SYT9: variants seen among roughly 807,000 people sequenced by gnomAD.
SYT9 encodes synaptotagmin-9.
In SYT9, 22 loss-of-function variants were observed where a neutral mutation model predicts 48.4. The ratio of observed to expected loss-of-function variants is 0.45; its 90% CI spans 0.32 to 0.65. SYT9 has a LOEUF of 0.65. SYT9 is among the 30% of genes least tolerant of loss of function. The pLI, the probability that SYT9 is intolerant of heterozygous loss-of-function variation, is 0.03. For synonymous variants in SYT9, 265 were observed against 245.0 expected, an observed-to-expected ratio of 1.08 and a Z score of -0.76; for missense variants, 577 against 622.0, an observed-to-expected ratio of 0.93 and a Z score of 0.77.
intron 6 of SYT9, among the ~76,000 whole-genome samples, chr11:7,420,869 T>G (rs956166398): frequency 6.6e-6 from 1 of 152,196 alleles, no homozygotes; most frequent in African/African-American, 2.4e-5. Context: ...TTTGATTGTA[T>G]TTTTAAAAGA....
chr11:7,415,266 C>G (rs1444225490), intron 3 of SYT9, among the ~76,000 whole-genome samples: 2 of 152,160 alleles, frequency 1.3e-5, no homozygotes, highest in Admixed American at 6.5e-5. Flanking sequence ...GTCCAGGGCT[C>G]TGAATGTGTG....
intron 3 of SYT9, among the ~76,000 whole-genome samples, chr11:7,363,497 C>T (rs527322430): frequency 3.0e-4 from 45 of 152,200 alleles, no homozygotes; most frequent in African/African-American, 8.9e-4. Flanking sequence ...CAAGGAGTGA[C>T]GCTGGTATAG....
intron 3 of SYT9, among the ~76,000 whole-genome samples, chr11:7,405,401 A>T (rs950416167): frequency 6.6e-6 from 1 of 152,172 alleles, no homozygotes; most frequent in African/African-American, 2.4e-5. Flanking sequence ...AGAACCACTG[A>T]TTGAAGGGAA....
chr11:7,405,138 T>C (rs1015926371), intron 3 of SYT9, among the ~76,000 whole-genome samples: 4 of 151,910 alleles, frequency 2.6e-5, no homozygotes, highest in Non-Finnish European at 5.9e-5. Flanking sequence ...CCTTTATATT[T>C]GACTTTTATT....
chr11:7,290,353 A>G (rs1383458586), intron 1 of SYT9, among the ~76,000 whole-genome samples: 2 of 152,216 alleles, frequency 1.3e-5, no homozygotes, highest in Admixed American at 6.5e-5. Flanking sequence ...GGGCCACTCC[A>G]GCCCCAGTTA....
intron 3 of SYT9, among the ~76,000 whole-genome samples, chr11:7,342,862 G>A (rs908032467): frequency 6.6e-6 from 1 of 152,236 alleles, no homozygotes; most frequent in African/African-American, 2.4e-5. Context: ...TACAACCTCT[G>A]AAATCTAGAC....
chr11:7,396,781 G>A (rs1449570599), intron 3 of SYT9, among the ~76,000 whole-genome samples: 1 of 152,126 alleles, frequency 6.6e-6, no homozygotes, highest in African/African-American at 2.4e-5. Flanking sequence ...ACTAGTGGTT[G>A]TGTAGCAATA....
At chr11:7,270,128 AATT>A (rs1848267051) in intron 1 of SYT9, among the ~76,000 whole-genome samples, 2 of 152,204 alleles carry the variant, frequency 1.3e-5, no homozygotes, top group African/African-American at 4.8e-5. Context: ...AGAGTGTATC[AATT>A]CTTTGGTAAC....
intron 3 of SYT9, among the ~76,000 whole-genome samples, chr11:7,371,677 C>G (rs1476695657): frequency 6.6e-6 from 1 of 152,104 alleles, no homozygotes; most frequent in Non-Finnish European, 1.5e-5. Flanking sequence ...TTCTCATGCC[C>G]TGTTCCAGTC....
In SYT9 at chr11:7,294,034, G is replaced by T. The variant is rs573257232; in HGVS notation, c.146-9005G>T. 5.6e-4 allele frequency among the ~76,000 whole-genome samples: 85 copies of T among 152,306 alleles called. 1 individual carries two copies. The highest frequency in any genetic ancestry group is 2.0e-3 in the African/African-American group (83 of 41,560). ...AAACAGTAGAAAATTATTTCTCACA[G>T]TTCTGGAGACTGGAAAATTCAAAAC... On this transcript the variant is annotated intron_variant, in intron 1 of 6. Coordinates refer to ENST00000318881, the MANE Select transcript of SYT9 (RefSeq NM_175733.4).
At chr11:7,323,712 C>G in intron 3 of SYT9, among the ~76,000 whole-genome samples, 1 of 151,838 alleles carries the variant, frequency 6.6e-6, no homozygotes, top group East Asian at 1.9e-4. Context: ...ATATTTTATA[C>G]TTTTTATGAA....
In SYT9 at chr11:7,252,334, G is replaced by A; in HGVS notation, c.145+3G>A. On this transcript the variant is annotated splice_donor_region_variant and intron_variant, in intron 1 of 6. Transcript: ENST00000318881. The surrounding 1 kb of genome is among the most constrained non-coding windows in gnomAD (Gnocchi z 6.3). The stretch of plus-strand genomic sequence containing the variant: ...CAGACCCCGGCTCCGCGACCCAGGT[G>A]AGTGCCGCCACCGCCGCCTGGAGGG... The A allele has an allele frequency of 6.8e-7, 1 of 1,470,584 alleles. No homozygotes were observed. Among genetic ancestry groups the A allele is most frequent in the Non-Finnish European group, 9.0e-7 (1 of 1,110,482 alleles). 91.1% of individuals were successfully genotyped at this position (1,470,584 alleles called of 1,614,324 possible). A position where few individuals can be genotyped will look rare whatever the true frequency, so the allele number is the denominator to read the frequency against.
At chr11:7,248,998 G>C (rs990070452), upstream of SYT9, among the ~76,000 whole-genome samples, 1 of 152,058 alleles carries the variant, frequency 6.6e-6, no homozygotes, top group African/African-American at 2.4e-5. Flanking sequence ...CAGACCAATG[G>C]AACAGAATAG....
chr11:7,311,789 T>A (rs1481886684), intron 2 of SYT9, among the ~76,000 whole-genome samples: 1 of 152,210 alleles, frequency 6.6e-6, no homozygotes, highest in East Asian at 1.9e-4. Context: ...TGCCTCCCAG[T>A]CCTTTCTGCC....
At chr11:7,302,194 A>G (rs1848933785) in intron 1 of SYT9, among the ~76,000 whole-genome samples, 2 of 152,184 alleles carry the variant, frequency 1.3e-5, no homozygotes, top group Admixed American at 6.5e-5. Flanking sequence ...ATTAATAACT[A>G]AAGAGAGCTA....
At chr11:7,462,639 T>G (rs934653197) in intron 6 of SYT9, among the ~76,000 whole-genome samples, 1 of 152,232 alleles carries the variant, frequency 6.6e-6, no homozygotes, top group Admixed American at 6.5e-5. Flanking sequence ...TTCATATATT[T>G]GCAAAGCTGT....
intron 6 of SYT9, among the ~76,000 whole-genome samples, chr11:7,425,862 C>T (rs1334720722): frequency 3.3e-5 from 5 of 152,094 alleles, no homozygotes; most frequent in African/African-American, 1.2e-4. Flanking sequence ...TGCTCCCCCC[C>T]AATATAGTCC....
At chr11:7,379,075 T>TA (rs1226289892) in intron 3 of SYT9, among the ~76,000 whole-genome samples, 4 of 152,046 alleles carry the variant, frequency 2.6e-5, no homozygotes, top group African/African-American at 4.8e-5. Context: ...GGTAGATTTG[T>TA]AAAAAAATGA....
chr11:7,415,592 C>T (rs1564895733), intron 3 of SYT9, among the ~76,000 whole-genome samples: 1 of 151,966 alleles, frequency 6.6e-6, no homozygotes, highest in African/African-American at 2.4e-5. Context: ...GTGGGTGGGG[C>T]ACTACAGTAC....
Sources: allele counts gnomAD v4.1 joint callset (sites outside exome capture counted in the v4.1 genomes callset), GRCh38; gene constraint gnomAD v4.1.1; non-coding constraint Gnocchi (gnomAD v3.1); transcripts MANE v1.5; gene names NCBI Gene and HGNC (gene_info 2026-07-23, HGNC 2026-07-21).